The following KCNB2 variants were observed in gnomAD, a reference collection of about 807,000 sequenced individuals.
KCNB2 encodes delayed rectifier potassium channel protein.
A neutral mutation model predicts 61.5 loss-of-function variants in KCNB2; 15 were observed. The observed-to-expected ratio is 0.24, with a 90% CI of 0.16 to 0.38. The LOEUF (loss-of-function observed/expected upper bound fraction) is 0.38. Ranked by LOEUF, KCNB2 falls within the 10% of genes least tolerant of loss-of-function variation. KCNB2 has a pLI of 1.00. For synonymous variants in KCNB2, 457 were observed against 446.0 expected, an observed-to-expected ratio of 1.02 and a Z score of -0.31; for missense variants, 828 against 1,125.2, an observed-to-expected ratio of 0.74 and a Z score of 3.78.
At chr8:72,718,909 G>T (rs1807497090) in intron 2 of KCNB2, among the ~76,000 whole-genome samples, 1 of 152,208 alleles carries the variant, frequency 6.6e-6, no homozygotes, top group Non-Finnish European at 1.5e-5. Flanking sequence ...AATACTATGG[G>T]AATAAATTGG....
intron 2 of KCNB2, among the ~76,000 whole-genome samples, chr8:72,851,848 A>AAAAAAAAAAC (rs869038932): frequency 6.9e-6 from 1 of 145,626 alleles, no homozygotes; most frequent in Non-Finnish European, 1.5e-5. Flanking sequence ...AAAAAAAAAA[A>AAAAAAAAAAC]CACGTACTGC....
intron 2 of KCNB2, among the ~76,000 whole-genome samples, chr8:72,611,099 G>A (rs1805529901): frequency 6.6e-6 from 1 of 152,124 alleles, no homozygotes; most frequent in African/African-American, 2.4e-5. Flanking sequence ...GGAGTAGGGA[G>A]CACTGAAGAA....
intron 2 of KCNB2, among the ~76,000 whole-genome samples, chr8:72,597,071 T>G (rs188255134): frequency 1.6e-4 from 22 of 134,586 alleles, no homozygotes; most frequent in African/African-American, 5.7e-4. Context: ...GTCACCAGGC[T>G]GGAGTGCAGT....
At chr8:72,891,232 G>A (rs1331434124) in intron 2 of KCNB2, among the ~76,000 whole-genome samples, 2 of 152,118 alleles carry the variant, frequency 1.3e-5, no homozygotes, top group South Asian at 2.1e-4. Flanking sequence ...TGTTTTCTTG[G>A]CACTGTAAAG....
chr8:72,782,821 TTAAC>T (rs1808784663), intron 2 of KCNB2, among the ~76,000 whole-genome samples: 2 of 152,192 alleles, frequency 1.3e-5, no homozygotes, highest in East Asian at 1.9e-4. Context: ...AGGACAGTAT[TTAAC>T]TATTAAGTTT....
At chr8:72,898,170 TGAG>T (rs1265160661) in intron 2 of KCNB2, among the ~76,000 whole-genome samples, 1 of 152,006 alleles carries the variant, frequency 6.6e-6, no homozygotes, top group Non-Finnish European at 1.5e-5. Flanking sequence ...TGGAGAGAAT[TGAG>T]GAGAATTCCT....
intron 1 of KCNB2, among the ~76,000 whole-genome samples, chr8:72,538,338 G>GA (rs138750625): frequency 0.056 from 8,475 of 152,238 alleles, 402 homozygotes; most frequent in African/African-American, 0.13. Context: ...CTGAGAGGGA[G>GA]AACGGGTCTC....
At chr8:72,729,328 C>A (rs1585857316) in intron 2 of KCNB2, among the ~76,000 whole-genome samples, 1 of 152,226 alleles carries the variant, frequency 6.6e-6, no homozygotes, top group East Asian at 1.9e-4. Context: ...TTACTTTGGG[C>A]TTCTGCTCCA....
At chr8:72,738,608 T>C (rs1470957583) in intron 2 of KCNB2, among the ~76,000 whole-genome samples, 1 of 152,174 alleles carries the variant, frequency 6.6e-6, no homozygotes, top group Non-Finnish European at 1.5e-5. Context: ...CATAAAGCCC[T>C]TGATGCCCTC....
chr8:72,600,677 G>A (rs543186652), intron 2 of KCNB2, among the ~76,000 whole-genome samples: 1 of 152,214 alleles, frequency 6.6e-6, no homozygotes, highest in African/African-American at 2.4e-5. Context: ...ATGAGATCAT[G>A]TCCTTTGCGG....
At chr8:72,595,017 T>C (rs191973983) in intron 2 of KCNB2, among the ~76,000 whole-genome samples, 3 of 152,218 alleles carry the variant, frequency 2.0e-5, no homozygotes, top group African/African-American at 7.2e-5. Flanking sequence ...GGTAAGAGGA[T>C]TGTTCTTCAT....
chr8:72,749,249 G>A (rs1017867924), intron 2 of KCNB2: 2 of 152,112 alleles, frequency 1.3e-5, no homozygotes, highest in African/African-American at 4.8e-5. Flanking sequence ...CTCCAGAGTA[G>A]CTGGGACTAT....
Position 72,890,042 on chromosome 8 carries a change from C to T in KCNB2, c.580-45893C>T, listed in dbSNP as rs137972791. On this transcript the variant is annotated intron_variant, in intron 2 of 2. Coordinates refer to ENST00000523207, the MANE Select transcript of KCNB2 (RefSeq NM_004770.3). The stretch of plus-strand genomic sequence containing the variant: ...GATTACAGGCGTGAGCCAACATGCA[C>T]GGCCTTATTTTTTCATCTTTATTTC... 2.1e-3 allele frequency among the ~76,000 whole-genome samples: 316 copies of T among 152,174 alleles called. 2 individuals are homozygous for T. Among genetic ancestry groups the T allele is most frequent in the East Asian group, 7.2e-3 (37 of 5,168 alleles).
chr8:72,892,657 C>T (rs151318026), intron 2 of KCNB2, among the ~76,000 whole-genome samples: 13 of 152,258 alleles, frequency 8.5e-5, no homozygotes, highest in Admixed American at 4.6e-4. Context: ...CAAACTGGCA[C>T]GACCAGAATT....
intron 2 of KCNB2, among the ~76,000 whole-genome samples, chr8:72,710,462 A>G (rs992184050): frequency 6.6e-6 from 1 of 150,484 alleles, no homozygotes; most frequent in African/African-American, 2.4e-5. Flanking sequence ...TGCTCTGCAT[A>G]TATATATATA....
At chr8:72,768,610 A>C (rs995820406) in intron 2 of KCNB2, among the ~76,000 whole-genome samples, 2 of 152,090 alleles carry the variant, frequency 1.3e-5, no homozygotes, top group Admixed American at 6.5e-5. Flanking sequence ...TTGGTGTCAT[A>C]GGTAGAAAAT....
chr8:72,624,562 CTAA>C lies in KCNB2; in HGVS notation c.579+56251_579+56253del, dbSNP rs796197148. 5.5e-4 allele frequency among the ~76,000 whole-genome samples: 83 copies of C among 152,046 alleles called. 1 individual carries two copies. Among genetic ancestry groups the C allele is most frequent in the African/African-American group, 1.9e-3 (79 of 41,468 alleles). ...CATTGAACAAGGAATGGAAAATATGCTAATTATAATTGAATAATGGACTCAAAA... is the reference window on the plus strand; with the variant it reads ...CATTGAACAAGGAATGGAAAATATGCTTATAATTGAATAATGGACTCAAAA... On this transcript the variant is annotated intron_variant, in intron 2 of 2. Transcript: ENST00000523207.
intron 2 of KCNB2, among the ~76,000 whole-genome samples, chr8:72,834,402 G>A (rs1010700056): frequency 2.0e-5 from 3 of 152,148 alleles, no homozygotes; most frequent in South Asian, 2.1e-4. Context: ...AGCAGACAGG[G>A]CATGAACTTG....
At chr8:72,738,270 A>G (rs1339787874) in intron 2 of KCNB2, among the ~76,000 whole-genome samples, 1 of 152,116 alleles carries the variant, frequency 6.6e-6, no homozygotes, top group Non-Finnish European at 1.5e-5. Flanking sequence ...GCTACCTACA[A>G]TTTCTGAACT....
Sources: allele counts gnomAD v4.1 joint callset (sites outside exome capture counted in the v4.1 genomes callset), GRCh38; gene constraint gnomAD v4.1.1; transcripts MANE v1.5; gene names NCBI Gene and HGNC (gene_info 2026-07-23, HGNC 2026-07-21).